The following LHFPL3 variants were observed in gnomAD, a reference collection of about 807,000 sequenced individuals.
The protein encoded by LHFPL3 is LHFPL tetraspan subfamily member 3 protein.
In LHFPL3, 5 loss-of-function variants were observed where a neutral mutation model predicts 19.3. That is an observed-to-expected ratio of 0.26 (90% CI 0.14 to 0.54). The LOEUF (loss-of-function observed/expected upper bound fraction) is 0.54. Ranked by LOEUF, LHFPL3 falls within the 20% of genes least tolerant of loss-of-function variation. The pLI, the probability that LHFPL3 is intolerant of heterozygous loss-of-function variation, is 0.94. For missense variants in LHFPL3, 249 were observed against 307.4 expected, an observed-to-expected ratio of 0.81 and a Z score of 1.42; for synonymous variants, 133 against 126.2, an observed-to-expected ratio of 1.05 and a Z score of -0.36.
intron 1 of LHFPL3, among the ~76,000 whole-genome samples, chr7:104,535,575 G>T (rs1035224828): frequency 6.6e-6 from 1 of 152,162 alleles, no homozygotes; most frequent in Non-Finnish European, 1.5e-5. Flanking sequence ...TTCTGATGGG[G>T]AGTAATCCTT....
At chr7:104,502,744 T>G (rs1286083302) in intron 1 of LHFPL3, among the ~76,000 whole-genome samples, 5 of 152,230 alleles carry the variant, frequency 3.3e-5, no homozygotes, top group Non-Finnish European at 5.9e-5. Context: ...TCAGAGGATT[T>G]CCAAGAACAT....
chr7:104,842,557 A>G (rs1419877719), intron 2 of LHFPL3, among the ~76,000 whole-genome samples: 5 of 152,212 alleles, frequency 3.3e-5, no homozygotes, highest in African/African-American at 1.2e-4. Context: ...CTGACAGTCC[A>G]GGGGATGTGG....
chr7:104,349,731 G>A (rs547745324), intron 1 of LHFPL3, among the ~76,000 whole-genome samples: 2 of 152,270 alleles, frequency 1.3e-5, no homozygotes, highest in East Asian at 1.9e-4. Context: ...TTTTAAAAAA[G>A]TAACATTTAT....
chr7:104,396,259 G>C (rs142141998), intron 1 of LHFPL3, among the ~76,000 whole-genome samples: 1,772 of 152,264 alleles, frequency 0.012, 13 homozygotes, highest in Middle Eastern at 0.024. Flanking sequence ...GGACCATAAT[G>C]TACAAATGGT....
intron 1 of LHFPL3, among the ~76,000 whole-genome samples, chr7:104,517,506 CT>C (rs34506009): frequency 0.15 from 19,000 of 129,094 alleles, 966 homozygotes; most frequent in African/African-American, 0.23. Context: ...ATTGATTGGC[CT>C]TTTTTTTTTT....
chr7:104,622,050 T>G (rs1467563853), intron 1 of LHFPL3, among the ~76,000 whole-genome samples: 1 of 152,220 alleles, frequency 6.6e-6, no homozygotes, highest in East Asian at 1.9e-4. Flanking sequence ...TCCCTTTGAA[T>G]ATAGTAAATT....
chr7:104,686,456 CA>C (rs761316618), intron 1 of LHFPL3, among the ~76,000 whole-genome samples: 1 of 152,202 alleles, frequency 6.6e-6, no homozygotes, highest in Non-Finnish European at 1.5e-5. Context: ...ATATATAGGA[CA>C]AAACCAGTGT....
chr7:104,670,407 C>T (rs1792455321), intron 1 of LHFPL3, among the ~76,000 whole-genome samples: 1 of 152,170 alleles, frequency 6.6e-6, no homozygotes, highest in Non-Finnish European at 1.5e-5. Flanking sequence ...CCTTTCTAAA[C>T]ACTGTCCTTT....
At chr7:104,558,785 T>A (rs1584400582) in intron 1 of LHFPL3, among the ~76,000 whole-genome samples, 1 of 146,366 alleles carries the variant, frequency 6.8e-6, no homozygotes, top group South Asian at 2.1e-4. Flanking sequence ...ATTGCCTAGG[T>A]TTTCTTCTAG....
intron 1 of LHFPL3, among the ~76,000 whole-genome samples, chr7:104,627,750 TG>T (rs1160378120): frequency 1.3e-5 from 2 of 152,176 alleles, no homozygotes; most frequent in Non-Finnish European, 2.9e-5. Context: ...GACAGTTCCT[TG>T]CACACTGTAG....
intron 2 of LHFPL3, among the ~76,000 whole-genome samples, chr7:104,839,436 G>C (rs1320396228): frequency 6.6e-6 from 1 of 152,148 alleles, no homozygotes; most frequent in Non-Finnish European, 1.5e-5. Flanking sequence ...GGAGGCCGAG[G>C]CAGGCAGATC....
At chr7:104,899,674 T>C (rs1792444693) in intron 2 of LHFPL3, among the ~76,000 whole-genome samples, 1 of 152,214 alleles carries the variant, frequency 6.6e-6, no homozygotes. Context: ...GACAGCACTT[T>C]CAGGAAAGTG....
intron 2 of LHFPL3, chr7:104,894,638 A>T (rs1465290858): frequency 6.6e-6 from 1 of 152,208 alleles, no homozygotes; most frequent in African/African-American, 2.4e-5. Context: ...AAGTGTATGA[A>T]TTTTTTATTT....
chr7:104,563,942 T>C (rs1391635050), intron 1 of LHFPL3, among the ~76,000 whole-genome samples: 2 of 152,228 alleles, frequency 1.3e-5, no homozygotes, highest in East Asian at 3.8e-4. Context: ...TGGAGTTGCA[T>C]AAACTGATCT....
chr7:104,691,197 C>T (rs559471904), intron 1 of LHFPL3, among the ~76,000 whole-genome samples: 2 of 152,324 alleles, frequency 1.3e-5, no homozygotes, highest in South Asian at 4.1e-4. Context: ...TTGTACACAG[C>T]AGCATTCCAT....
chr7:104,877,946 G>C (rs1165089212), intron 2 of LHFPL3, among the ~76,000 whole-genome samples: 5 of 151,774 alleles, frequency 3.3e-5, no homozygotes, highest in African/African-American at 1.2e-4. Context: ...CGATTCCCCT[G>C]CCTCAGCCTC....
rs146558840 is a variant in LHFPL3 at position 104,655,398 on chromosome 7, T to A, written c.446-81277T>A. 1.9e-3 allele frequency among the ~76,000 whole-genome samples: 286 copies of A among 152,336 alleles called. 3 individuals carry two copies. The highest frequency in any genetic ancestry group is 6.0e-3 in the African/African-American group (249 of 41,574). On this transcript the variant is annotated intron_variant, in intron 1 of 2. Transcript: ENST00000424859. Reference sequence around the variant, plus strand: ...GAATAGGTGCATTGACAATGTTATATTCCAGGAGATAACTTGGTCATCCCA... The same window carrying A: ...GAATAGGTGCATTGACAATGTTATAATCCAGGAGATAACTTGGTCATCCCA...
Position 104,906,322 on chromosome 7 carries a change from C to A in LHFPL3, c.*107C>A. ...AAGAAGGAATACGCCTGAGAGAGATCAGAGTATATAGATGAATATGAACAA... is the reference window on the plus strand; with the variant it reads ...AAGAAGGAATACGCCTGAGAGAGATAAGAGTATATAGATGAATATGAACAA... On this transcript the variant is annotated 3_prime_UTR_variant, in exon 3 of 3. Coordinates refer to ENST00000424859, the MANE Select transcript of LHFPL3 (RefSeq NM_199000.3). 7.0e-6 allele frequency: 9 copies of A among 1,277,438 alleles called. No homozygotes were observed. The highest frequency in any genetic ancestry group is 1.0e-5 in the Non-Finnish European group (9 of 901,938). 79.1% of individuals were successfully genotyped at this position (1,277,438 alleles called of 1,614,324 possible). A position where few individuals can be genotyped will look rare whatever the true frequency, so the allele number is the denominator to read the frequency against.
At chr7:104,751,198 T>G (rs1794162847) in intron 2 of LHFPL3, among the ~76,000 whole-genome samples, 1 of 104,414 alleles carries the variant, frequency 9.6e-6, no homozygotes, top group African/African-American at 3.1e-5. Context: ...TTCCTTTTAA[T>G]GGCTTAATGG....
Sources: allele counts gnomAD v4.1 joint callset (sites outside exome capture counted in the v4.1 genomes callset), GRCh38; gene constraint gnomAD v4.1.1; transcripts MANE v1.5; gene names NCBI Gene and HGNC (gene_info 2026-07-23, HGNC 2026-07-21).